Variants in PCLO observed in about 807,000 individuals in gnomAD.
PCLO encodes the protein protein piccolo.
A neutral mutation model predicts 427.5 loss-of-function variants in PCLO; 82 were observed. That is an observed-to-expected ratio of 0.19 (90% CI 0.16 to 0.23). PCLO has a LOEUF of 0.23. Ranked by LOEUF, PCLO falls within the 10% of genes least tolerant of loss-of-function variation. The pLI is 1.00. For synonymous variants in PCLO, 2,357 were observed against 2,155.4 expected (o/e 1.09, Z -2.59); for missense variants, 6,239 against 6,115.9 (o/e 1.02, Z -0.67).
intron 6 of PCLO, among the ~76,000 whole-genome samples, chr7:82,926,919 GCTTC>G (rs1451496674): frequency 6.6e-6 from 1 of 151,608 alleles, no homozygotes; most frequent in East Asian, 1.9e-4. Context: ...CCTTCCTTTT[GCTTC>G]CTTCCTTTGT....
At chr7:82,985,430 C>A (rs1796236088) in intron 3 of PCLO, among the ~76,000 whole-genome samples, 1 of 151,998 alleles carries the variant, frequency 6.6e-6, no homozygotes, top group Admixed American at 6.6e-5. Context: ...TTATTCCATG[C>A]AGCCAATTAA....
chr7:82,821,087 C>A, intron 20 of PCLO: 1 of 1,091,256 alleles, frequency 9.2e-7, no homozygotes, highest in East Asian at 5.4e-5. Context: ...TTGCTGTGTG[C>A]TTTGAACAGG....
rs147810269 is a variant in PCLO at position 82,823,662 on chromosome 7, A to G, written c.14596+574T>C. On this transcript the variant is annotated intron_variant, in intron 19 of 24. Transcript: ENST00000333891. Reference sequence around the variant, plus strand: ...GTATGGCACTGTTATTTAAAAAATAATAATAGTTATTAAAAAATTAGCTTG... The same window carrying G: ...GTATGGCACTGTTATTTAAAAAATAGTAATAGTTATTAAAAAATTAGCTTG... Among the ~76,000 whole-genome samples the G allele has an allele frequency of 5.3e-5, 8 of 152,318 alleles. No individual in the cohort carries two copies. The East Asian group carries it at 1.5e-3, about 29-fold the overall frequency.
At chr7:82,886,902 T>C (rs1291016817) in intron 9 of PCLO, among the ~76,000 whole-genome samples, 2 of 152,206 alleles carry the variant, frequency 1.3e-5, no homozygotes, top group African/African-American at 4.8e-5. Context: ...ATAGGATGTA[T>C]TGATCTTTTG....
At chr7:82,923,747 T>C (rs1445971413) in intron 6 of PCLO, among the ~76,000 whole-genome samples, 1 of 152,126 alleles carries the variant, frequency 6.6e-6, no homozygotes, top group Non-Finnish European at 1.5e-5. Context: ...AACATAGTTT[T>C]GGCCATAAGG....
At chr7:82,996,279 A>C (rs1787609156) in intron 3 of PCLO, among the ~76,000 whole-genome samples, 1 of 151,928 alleles carries the variant, frequency 6.6e-6, no homozygotes, top group Non-Finnish European at 1.5e-5. Flanking sequence ...GTATTTTCTA[A>C]ATTTTCTATA....
At chr7:83,068,918 T>C (rs1052394010) in intron 3 of PCLO, among the ~76,000 whole-genome samples, 1 of 152,186 alleles carries the variant, frequency 6.6e-6, no homozygotes, top group Non-Finnish European at 1.5e-5. Context: ...TGTGACTATA[T>C]ACATAATACA....
chr7:82,915,787 TA>T lies in PCLO; in HGVS notation c.12198del (p.Phe4066LeufsTer26). On this transcript the variant is annotated frameshift_variant, in exon 7 of 25. Transcript: ENST00000333891. LOFTEE classifies it high-confidence loss of function. ...TKGTAALSTA[F>X]SLHEKDLSKT... is the part of the protein sequence containing the mutation. ...TTTGACAGATCCTTTTCATGAAGGC[TA>T]AATGCGGTGCTTAATGCCGCTGTTC... is the stretch of plus-strand genomic sequence containing the variant. The T allele has an allele frequency of 6.2e-7, 1 of 1,612,822 alleles. No individual in the cohort carries two copies. The highest frequency in any genetic ancestry group is 8.5e-7 in the Non-Finnish European group (1 of 1,179,308).
At position 82,954,427 on chromosome 7, in the gene PCLO, C is replaced by G; in HGVS notation, c.6526G>C (p.Val2176Leu). The G allele has an allele frequency of 6.2e-7, 1 of 1,613,886 alleles. No homozygotes were observed. Among genetic ancestry groups the G allele is most frequent in the Non-Finnish European group, 8.5e-7 (1 of 1,179,836 alleles). The change falls in exon 5 of 25, where the codon GTC (valine) becomes CTC (leucine). Residue 2176 changes from valine to leucine, a missense_variant. Physicochemically the swap from Val to Leu is conservative, Grantham distance 32 (BLOSUM62 1). This residue lies in a region of PCLO where 4,677 missense variants were observed against 4,468.4 expected (regional missense o/e 1.05). Coordinates refer to ENST00000333891, the MANE Select transcript of PCLO (RefSeq NM_033026.6). The part of the protein sequence containing the change: ...YSEPSESATS[V>L]PPSDTPSLTS... ...AGAGAAGGTGTGTCAGAGGGTGGGA[C>G]AGATGTAGCACTTTCTGAAGGCTCC... is the stretch of plus-strand genomic sequence containing the variant.
intron 3 of PCLO, among the ~76,000 whole-genome samples, chr7:83,119,567 G>A (rs540896657): frequency 1.3e-5 from 2 of 152,000 alleles, no homozygotes; most frequent in East Asian, 3.9e-4. Flanking sequence ...AAGAAGGAAG[G>A]GTACAAATAA....
intron 3 of PCLO, among the ~76,000 whole-genome samples, chr7:82,987,752 A>G (rs1796287756): frequency 6.6e-6 from 1 of 152,160 alleles, no homozygotes. Flanking sequence ...AACAATCAGT[A>G]TAGGTTAATG....
At chr7:82,943,154 A>G (rs896772061) in intron 6 of PCLO, among the ~76,000 whole-genome samples, 4 of 152,166 alleles carry the variant, frequency 2.6e-5, no homozygotes, top group Non-Finnish European at 4.4e-5. Context: ...TCAAAACAGC[A>G]ATCAGTGGAG....
At chr7:82,974,314 A>G (rs1246597590) in intron 3 of PCLO, among the ~76,000 whole-genome samples, 1 of 152,258 alleles carries the variant, frequency 6.6e-6, no homozygotes, top group Non-Finnish European at 1.5e-5. Flanking sequence ...TGAACCCAGG[A>G]GCTGGAGGTG....
In PCLO at chr7:82,826,592, C is replaced by G. The variant is rs376096327; in HGVS notation, c.14412G>C (p.Gly4804=). 1 of 1,600,596 alleles carries G rather than the reference C, an allele frequency of 6.2e-7. No homozygotes were observed. Among genetic ancestry groups the G allele is most frequent in the African/African-American group, 1.3e-5 (1 of 74,530 alleles). ...GGAAAGGAAGTCAGAGGCTTACCTCCCCAAGGAAGTCGTTGGATGAAAATC... is the reference window on the plus strand; with the variant it reads ...GGAAAGGAAGTCAGAGGCTTACCTCGCCAAGGAAGTCGTTGGATGAAAATC... ...YDRFSSNDFL[G]EVLIDLSSTS... Residue 4804 remains glycine, a synonymous_variant, in exon 18 of 25, where the codon GGG becomes GGC. Transcript: ENST00000333891.
chr7:83,097,395 G>A (rs933695554), intron 3 of PCLO, among the ~76,000 whole-genome samples: 22 of 145,258 alleles, frequency 1.5e-4, no homozygotes, highest in Admixed American at 1.2e-3. Flanking sequence ...GGTGGCGGGC[G>A]CCTGTAGTCC....
chr7:83,132,343 G>A (rs547044522), intron 3 of PCLO, among the ~76,000 whole-genome samples: 1 of 152,100 alleles, frequency 6.6e-6, no homozygotes, highest in Non-Finnish European at 1.5e-5. Context: ...CACATTTGAA[G>A]TATGACCTCA....
At chr7:82,879,255 T>A in intron 10 of PCLO, 82 bp downstream of exon 10, 1 of 1,222,846 alleles carries the variant, frequency 8.2e-7, no homozygotes, top group African/African-American at 1.5e-5. Flanking sequence ...CAGAGAAGGA[T>A]GAGAACATTT....
At chr7:83,093,582 TCC>T (rs1423422097) in intron 3 of PCLO, among the ~76,000 whole-genome samples, 1 of 145,098 alleles carries the variant, frequency 6.9e-6, no homozygotes, top group Non-Finnish European at 1.5e-5. Flanking sequence ...AAGCTCCGCC[TCC>T]CGGGTTCATG....
chr7:83,110,511 G>A (rs1790976385), intron 3 of PCLO, among the ~76,000 whole-genome samples: 2 of 151,768 alleles, frequency 1.3e-5, no homozygotes, highest in South Asian at 4.2e-4. Flanking sequence ...GACAAAATTT[G>A]TCCTTTCCTA....
Sources: allele counts gnomAD v4.1 joint callset (sites outside exome capture counted in the v4.1 genomes callset), GRCh38; gene constraint gnomAD v4.1.1; regional missense constraint gnomAD v4.1.1; transcripts MANE v1.5; gene names NCBI Gene and HGNC (gene_info 2026-07-23, HGNC 2026-07-21).